Variants in MYOM1 observed in about 807,000 individuals in gnomAD.
MYOM1 encodes myomesin 1.
A neutral mutation model predicts 205.3 loss-of-function variants in MYOM1; 164 were observed. The ratio of observed to expected loss-of-function variants is 0.80; its 90% CI spans 0.70 to 0.91. The LOEUF is 0.91. Among genes scored for constraint, MYOM1 ranks in the 40% least tolerant of loss-of-function variants. The pLI, the probability that MYOM1 is intolerant of heterozygous loss-of-function variation, is 0.00. For missense variants in MYOM1, 2,011 were observed against 2,127.3 expected, an observed-to-expected ratio of 0.95 and a Z score of 1.08; for synonymous variants, 772 against 789.4, an observed-to-expected ratio of 0.98 and a Z score of 0.37.
rs758050936 is a variant in MYOM1, at chr18:3,079,170, T to A, written c.4648+9A>T. 117 of 1,613,346 alleles carry A rather than the reference T, an allele frequency of 7.3e-5. 2 individuals are homozygous for A. The East Asian group carries it at 1.1e-3, about 15-fold the overall frequency. On this transcript the variant is annotated intron_variant, in intron 34 of 37. Transcript: ENST00000356443. ...AGAGTAAATTTGAATCTGCAAAATA[T>A]CTGTTTACCTTGTCCAGAGAGATCC...
chr18:3,208,319 G>A (rs2081151122), intron 2 of MYOM1, among the ~76,000 whole-genome samples: 1 of 152,154 alleles, frequency 6.6e-6, no homozygotes, highest in African/African-American at 2.4e-5. Context: ...TTTGAGACCA[G>A]CCTGAGCAAC....
chr18:3,174,084 C>CAA, intron 7 of MYOM1, 36 bp downstream of exon 7: 1 of 1,608,778 alleles, frequency 6.2e-7, no homozygotes, highest in East Asian at 2.2e-5. Flanking sequence ...TAAAAACACA[C>CAA]ACACACTTTG....
intron 3 of MYOM1, among the ~76,000 whole-genome samples, chr18:3,192,196 G>A (rs561474493): frequency 1.3e-5 from 2 of 152,236 alleles, no homozygotes; most frequent in South Asian, 4.2e-4. Context: ...TTGAAACAGA[G>A]TGGGAAAAAT....
At chr18:3,109,551 C>T (rs1378207030) in intron 22 of MYOM1, among the ~76,000 whole-genome samples, 1 of 152,148 alleles carries the variant, frequency 6.6e-6, no homozygotes, top group South Asian at 2.1e-4. Context: ...CAAAATTTGG[C>T]ATAACTTAGA....
the MYOM1 span, among the ~76,000 whole-genome samples, chr18:3,230,007 GAT>G: frequency 6.9e-6 from 1 of 145,238 alleles, no homozygotes; most frequent in Admixed American, 6.9e-5. Context: ...AAAGAAGTGA[GAT>G]ATGTCTCATA....
At chr18:3,079,616 G>A (rs563093709) in intron 33 of MYOM1, among the ~76,000 whole-genome samples, 2 of 152,058 alleles carry the variant, frequency 1.3e-5, no homozygotes, top group Non-Finnish European at 2.9e-5. Context: ...AATACTTCTC[G>A]GTGGCATTAA....
intron 18 of MYOM1, among the ~76,000 whole-genome samples, chr18:3,128,904 C>G (rs2079834272): frequency 6.6e-6 from 1 of 152,156 alleles, no homozygotes; most frequent in African/African-American, 2.4e-5. Context: ...CTAGCAGTAC[C>G]AAGTCCTGCT....
chr18:3,089,244 A>G lies in MYOM1; in HGVS notation c.4070-3T>C. 1 of 1,609,074 alleles carries G rather than the reference A, an allele frequency of 6.2e-7. No homozygotes were observed. The highest frequency in any genetic ancestry group is 8.5e-7 in the Non-Finnish European group (1 of 1,176,318). ...CAAATACTCAACAAAGTGAGGACCT[A>G]TAAAATTTTAATGACATTAGCAATT... is the stretch of plus-strand genomic sequence containing the variant. On this transcript the variant is annotated splice_polypyrimidine_tract_variant and splice_region_variant and intron_variant, in intron 28 of 37. Transcript: ENST00000356443.
At chr18:3,232,086 T>G in the MYOM1 span, among the ~76,000 whole-genome samples, 2 of 151,760 alleles carry the variant, frequency 1.3e-5, no homozygotes. Context: ...TCCCAGCACT[T>G]TGGGAGGCTG....
chr18:3,123,554 T>A (rs913118895), intron 19 of MYOM1, among the ~76,000 whole-genome samples: 2 of 152,046 alleles, frequency 1.3e-5, no homozygotes, highest in East Asian at 3.8e-4. Flanking sequence ...ATGTCAATTA[T>A]TCCTTAATTT....
At chr18:3,090,858 A>G in intron 26 of MYOM1, 56 bp from the exon 27 acceptor site, 2 of 1,602,610 alleles carry the variant, frequency 1.2e-6, no homozygotes, top group African/African-American at 2.7e-5. Context: ...TTTTACTTGG[A>G]ATGACAACAA....
intron 12 of MYOM1, 31 bp from the exon 13 acceptor site, chr18:3,149,232 C>T (rs1298938203): frequency 2.5e-6 from 4 of 1,589,444 alleles, no homozygotes; most frequent in South Asian, 2.2e-5. Flanking sequence ...GAATCACAAA[C>T]GTTTACAAGT....
chr18:3,130,783 C>A (rs1224849478), intron 17 of MYOM1, among the ~76,000 whole-genome samples: 3 of 152,168 alleles, frequency 2.0e-5, no homozygotes, highest in East Asian at 1.9e-4. Context: ...TTGTTTCTAA[C>A]CACCTGGGTC....
chr18:3,197,109 T>A (rs1275260203), intron 2 of MYOM1, among the ~76,000 whole-genome samples: 1 of 151,930 alleles, frequency 6.6e-6, no homozygotes, highest in Non-Finnish European at 1.5e-5. Flanking sequence ...TAGTGTTCTT[T>A]ACACTATACC....
At chr18:3,175,951 G>T in intron 6 of MYOM1, 91 bp downstream of exon 6, 1 of 773,754 alleles carries the variant, frequency 1.3e-6, no homozygotes. Flanking sequence ...CACAGCATTG[G>T]GATGAAGTGG....
At chr18:3,162,395 C>T (rs780999598) in intron 10 of MYOM1, among the ~76,000 whole-genome samples, 1 of 152,062 alleles carries the variant, frequency 6.6e-6, no homozygotes, top group East Asian at 1.9e-4. Context: ...ACTAGCCAAT[C>T]CTAACTTGTT....
chr18:3,149,113 G>A (rs373664726), intron 13 of MYOM1, 32 bp downstream of exon 13: 113 of 1,600,382 alleles, frequency 7.1e-5, no homozygotes, highest in African/African-American at 5.4e-5. Flanking sequence ...CAAAACATCA[G>A]CAATAGTATC....
At position 3,209,250 on chromosome 18, in the gene MYOM1, T is replaced by A. The variant is rs1439399410; in HGVS notation, c.290+5684A>T. Among the ~76,000 whole-genome samples the A allele has an allele frequency of 6.6e-6, 1 of 152,100 alleles. No homozygotes were observed. The highest frequency in any genetic ancestry group is 1.5e-5 in the Non-Finnish European group (1 of 68,014). The stretch of plus-strand genomic sequence containing the variant: ...ACAGACCATTTCACAGCCTCAAAAC[T>A]CCCTGGCTAAGGGTGCTGAGGAACT... On this transcript the variant is annotated intron_variant, in intron 2 of 37. Coordinates refer to ENST00000356443, the MANE Select transcript of MYOM1 (RefSeq NM_003803.4). The surrounding 1 kb of genome is among the most constrained non-coding windows in gnomAD (Gnocchi z 4.0).
chr18:3,217,654 A>G (rs1212355682), intron 1 of MYOM1, among the ~76,000 whole-genome samples: 5 of 152,176 alleles, frequency 3.3e-5, no homozygotes, highest in African/African-American at 1.2e-4. Context: ...CGGAAAAGAA[A>G]GTCCTAAAAG....
Sources: allele counts gnomAD v4.1 joint callset (sites outside exome capture counted in the v4.1 genomes callset), GRCh38; gene constraint gnomAD v4.1.1; non-coding constraint Gnocchi (gnomAD v3.1); transcripts MANE v1.5; gene names NCBI Gene and HGNC (gene_info 2026-07-23, HGNC 2026-07-21).